The following TBC1D22A variants were observed in gnomAD, a reference collection of about 807,000 sequenced individuals.
TBC1D22A encodes the protein TBC1 domain family member 22A.
In TBC1D22A, 38 loss-of-function variants were observed where a neutral mutation model predicts 60.2. The observed-to-expected ratio is 0.63, with a 90% CI of 0.49 to 0.83. The LOEUF (loss-of-function observed/expected upper bound fraction) is 0.83, where lower values mean the gene tolerates loss of function less well. TBC1D22A is among the 40% of genes least tolerant of loss of function. The pLI, the probability that TBC1D22A is intolerant of heterozygous loss-of-function variation, is 0.00. For missense variants in TBC1D22A, 628 were observed against 701.0 expected, an observed-to-expected ratio of 0.90 and a Z score of 1.18; for synonymous variants, 302 against 281.7, an observed-to-expected ratio of 1.07 and a Z score of -0.72.
At chr22:47,063,196 C>T (rs1274434842) in intron 11 of TBC1D22A, among the ~76,000 whole-genome samples, 6 of 152,132 alleles carry the variant, frequency 3.9e-5, no homozygotes, top group African/African-American at 1.2e-4. Flanking sequence ...GCTCGGATCC[C>T]GCCTCCAGGG....
At chr22:46,877,571 G>A (rs2147483601) in intron 4 of TBC1D22A, among the ~76,000 whole-genome samples, 1 of 152,336 alleles carries the variant, frequency 6.6e-6, no homozygotes, top group Non-Finnish European at 1.5e-5. Flanking sequence ...TAAAATGCAA[G>A]TTATTGCTGC....
intron 7 of TBC1D22A, among the ~76,000 whole-genome samples, chr22:46,911,294 T>C (rs1002412506): frequency 1.3e-5 from 2 of 152,246 alleles, no homozygotes; most frequent in East Asian, 1.9e-4. Context: ...ATTTCGTAAG[T>C]GATGGAAGAT....
chr22:47,147,905 T>C (rs1025906686), intron 12 of TBC1D22A, among the ~76,000 whole-genome samples: 1 of 152,168 alleles, frequency 6.6e-6, no homozygotes, highest in African/African-American at 2.4e-5. Context: ...TGGAGGCCAC[T>C]GAGGGCTTGG....
At chr22:47,120,247 A>G (rs541673214) in intron 12 of TBC1D22A, among the ~76,000 whole-genome samples, 2 of 152,356 alleles carry the variant, frequency 1.3e-5, no homozygotes, top group African/African-American at 2.4e-5. Context: ...AAGTAGAACT[A>G]AAATTAATAC....
chr22:46,938,589 C>CTT (rs60745746), intron 8 of TBC1D22A, among the ~76,000 whole-genome samples: 8,857 of 140,490 alleles, frequency 0.063, 507 homozygotes, highest in African/African-American at 0.14. Context: ...TTATTTCTCT[C>CTT]TTTTTTTTTT....
intron 8 of TBC1D22A, among the ~76,000 whole-genome samples, chr22:46,939,863 A>C (rs1414899530): frequency 6.6e-6 from 1 of 152,236 alleles, no homozygotes; most frequent in Non-Finnish European, 1.5e-5. Flanking sequence ...GAGGGGACCT[A>C]TGAGAGAGGA....
chr22:47,165,169 G>C (rs1248048403), intron 12 of TBC1D22A, among the ~76,000 whole-genome samples: 2 of 152,230 alleles, frequency 1.3e-5, no homozygotes, highest in East Asian at 3.9e-4. Context: ...GTGATTGCCA[G>C]GGCTCGTGAT....
intron 7 of TBC1D22A, among the ~76,000 whole-genome samples, chr22:46,910,385 GC>G (rs1201764703): frequency 6.6e-6 from 1 of 152,164 alleles, no homozygotes; most frequent in African/African-American, 2.4e-5. Flanking sequence ...AGCCTACCAA[GC>G]CCAGTAAGAT....
intron 8 of TBC1D22A, chr22:46,913,641 T>G: frequency 1.0e-6 from 1 of 985,440 alleles, no homozygotes; most frequent in Non-Finnish European, 1.2e-6. Flanking sequence ...ATGAAAATGC[T>G]CTTAATGATC....
chr22:47,031,942 A>AT (rs1185959944), intron 10 of TBC1D22A, among the ~76,000 whole-genome samples: 1 of 152,170 alleles, frequency 6.6e-6, no homozygotes, highest in Non-Finnish European at 1.5e-5. Flanking sequence ...GGAAGGGTTA[A>AT]TTTGTACTCT....
At chr22:46,937,015 T>C (rs1252722951) in intron 8 of TBC1D22A, among the ~76,000 whole-genome samples, 1 of 152,134 alleles carries the variant, frequency 6.6e-6, no homozygotes, top group East Asian at 1.9e-4. Context: ...CAGTGACAGA[T>C]AGGGTTCTTC....
chr22:47,118,026 G>A (rs931699169), intron 12 of TBC1D22A, among the ~76,000 whole-genome samples: 2 of 152,142 alleles, frequency 1.3e-5, no homozygotes, highest in South Asian at 4.1e-4. Flanking sequence ...GGGAAGCTGA[G>A]GTAAGAGAAT....
Position 47,084,808 on chromosome 22 carries a change from G to A in TBC1D22A, c.1330-26700G>A, listed in dbSNP as rs183684898. The stretch of plus-strand genomic sequence containing the variant: ...AAGTATGGTACAAAGATAGAGAAAA[G>A]TGAGGAAATGATAAATGCACAATTA... On this transcript the variant is annotated intron_variant, in intron 11 of 12. Transcript: ENST00000337137. Among the ~76,000 whole-genome samples, 6 of 152,300 alleles carry A rather than the reference G, an allele frequency of 3.9e-5. No homozygotes were observed. In the East Asian group the frequency reaches 9.6e-4, roughly 24 times the overall value.
intron 12 of TBC1D22A, among the ~76,000 whole-genome samples, chr22:47,143,878 A>G (rs2067194952): frequency 6.6e-6 from 1 of 152,242 alleles, no homozygotes. Context: ...CTGCAGAGAT[A>G]GAAACACCGG....
chr22:46,821,850 C>T (rs1004960583), intron 4 of TBC1D22A, among the ~76,000 whole-genome samples: 28 of 152,090 alleles, frequency 1.8e-4, no homozygotes, highest in African/African-American at 6.3e-4. Flanking sequence ...TGTTTCCATT[C>T]TCCCCATCCC....
intron 8 of TBC1D22A, among the ~76,000 whole-genome samples, chr22:46,936,384 C>G (rs370671886): frequency 2.0e-5 from 3 of 152,320 alleles, no homozygotes; most frequent in Admixed American, 2.0e-4. Context: ...CGTGGCTCCC[C>G]GCACAGCCTC....
chr22:46,983,959 G>T (rs546465695), intron 9 of TBC1D22A, among the ~76,000 whole-genome samples: 2 of 151,996 alleles, frequency 1.3e-5, no homozygotes, highest in African/African-American at 4.8e-5. Context: ...TTGGCTTCGG[G>T]GCCTGAAGAT....
chr22:47,173,356 C>T (rs2068566176), intron 12 of TBC1D22A, 142 bp from the exon 13 acceptor site: 1 of 1,180,328 alleles, frequency 8.5e-7, no homozygotes, highest in African/African-American at 1.5e-5. Flanking sequence ...GTCTTTCTCT[C>T]CAGTTTTCCT....
intron 4 of TBC1D22A, among the ~76,000 whole-genome samples, chr22:46,872,132 T>C (rs983385925): frequency 4.7e-4 from 71 of 152,144 alleles, no homozygotes; most frequent in African/African-American, 1.7e-3. Context: ...CTTATATTGA[T>C]TAAAAAAATT....
Sources: allele counts gnomAD v4.1 joint callset (sites outside exome capture counted in the v4.1 genomes callset), GRCh38; gene constraint gnomAD v4.1.1; transcripts MANE v1.5; gene names NCBI Gene and HGNC (gene_info 2026-07-23, HGNC 2026-07-21).